The following AGPAT4 variants were observed in gnomAD, a reference collection of about 807,000 sequenced individuals.
AGPAT4 encodes the protein 1-acylglycerol-3-phosphate O-acyltransferase 4, also known as 1-acyl-sn-glycerol-3-phosphate acyltransferase delta.
In AGPAT4, 15 loss-of-function variants were observed where a neutral mutation model predicts 48.0. The ratio of observed to expected loss-of-function variants is 0.31; its 90% CI spans 0.21 to 0.48. The LOEUF (loss-of-function observed/expected upper bound fraction) is 0.48, where lower values mean the gene tolerates loss of function less well. Ranked by LOEUF, AGPAT4 falls within the 20% of genes least tolerant of loss-of-function variation. AGPAT4 has a pLI of 0.99. For synonymous variants in AGPAT4, 178 were observed against 198.7 expected, an observed-to-expected ratio of 0.90 and a Z score of 0.88; for missense variants, 314 against 482.5, an observed-to-expected ratio of 0.65 and a Z score of 3.27.
rs899679697 is a variant in AGPAT4, at chr6:161,215,014, G to T, written c.178+17022C>A. On this transcript the variant is annotated intron_variant, in intron 2 of 8. Coordinates refer to ENST00000320285, the MANE Select transcript of AGPAT4 (RefSeq NM_020133.3). This position sits in a 1 kb window ranked among gnomAD's most constrained non-coding sequence, Gnocchi z 4.5. ...GTTTCAAAAAATCAGACCATATCCA[G>T]CTTCATACTAACAATTTTTTCTTTG... is the stretch of plus-strand genomic sequence containing the variant. 2.6e-5 allele frequency among the ~76,000 whole-genome samples: 4 copies of T among 151,994 alleles called. No individual in the cohort carries two copies. Among genetic ancestry groups the T allele is most frequent in the Non-Finnish European group, 5.9e-5 (4 of 68,000 alleles).
rs1781765247 is a variant in AGPAT4, at chr6:161,219,866, G to T, written c.178+12170C>A. 8.2e-6 allele frequency among the ~76,000 whole-genome samples: 1 copy of T among 121,420 alleles called. No homozygotes were observed. The highest frequency in any genetic ancestry group is 8.6e-5 in the Admixed American group (1 of 11,642). The allele number at this position is 121,420 out of a possible 152,430, so 79.7% of individuals were successfully genotyped here. On this transcript the variant is annotated intron_variant, in intron 2 of 8. Coordinates refer to ENST00000320285, the MANE Select transcript of AGPAT4 (RefSeq NM_020133.3). The surrounding 1 kb of genome is among the most constrained non-coding windows in gnomAD (Gnocchi z 4.9). ...AGATAGATAGATAGATAGATAGATA[G>T]ATAGATAGGCAGGCAGGCAGGCAGG...
At position 161,165,758 on chromosome 6, in the gene AGPAT4, T is replaced by A; in HGVS notation, c.348+490A>T. ...AACAGAATTTCAGAATAATTCTGAA[T>A]TTTGCAGTTCACTCTCTCACTTATG... On this transcript the variant is annotated intron_variant, in intron 3 of 8. Coordinates refer to ENST00000320285, the MANE Select transcript of AGPAT4 (RefSeq NM_020133.3). The surrounding 1 kb of genome is among the most constrained non-coding windows in gnomAD (Gnocchi z 5.5). 1 of 718,558 alleles carries A rather than the reference T, an allele frequency of 1.4e-6. No homozygotes were observed. The highest frequency in any genetic ancestry group is 2.2e-6 in the Non-Finnish European group (1 of 449,270). The allele number at this position is 718,558 out of a possible 1,614,324, so 44.5% of individuals were successfully genotyped here. A position where few individuals can be genotyped will look rare whatever the true frequency, so the allele number is the denominator to read the frequency against.
At position 161,144,525 on chromosome 6, in the gene AGPAT4, ACT is replaced by A. The variant is rs1008092163; in HGVS notation, c.843+1997_843+1998del. Among the ~76,000 whole-genome samples, 21 of 151,672 alleles carry A rather than the reference ACT, an allele frequency of 1.4e-4. No homozygotes were observed. The highest frequency in any genetic ancestry group is 5.1e-4 in the African/African-American group (21 of 41,314). On this transcript the variant is annotated intron_variant, in intron 7 of 8. Transcript: ENST00000320285. The surrounding 1 kb of genome is among the most constrained non-coding windows in gnomAD (Gnocchi z 6.6). ...TCAGCTTGGTTTACACGATGACCAC[ACT>A]CTGCCTGAATACAGGGGAGGAAGGG...
chr6:161,186,096 G>A (rs1345581465), intron 2 of AGPAT4, among the ~76,000 whole-genome samples: 1 of 152,096 alleles, frequency 6.6e-6, no homozygotes, highest in Admixed American at 6.5e-5. Context: ...CCTACTCTGG[G>A]CTGCAGAGCA....
chr6:161,193,511 C>CT (rs1234863957), intron 2 of AGPAT4, among the ~76,000 whole-genome samples: 1 of 152,272 alleles, frequency 6.6e-6, no homozygotes, highest in Non-Finnish European at 1.5e-5. Context: ...GTGGTCACCA[C>CT]TTTTCAGAGA....
intron 3 of AGPAT4, among the ~76,000 whole-genome samples, chr6:161,163,228 G>A (rs1319614232): frequency 1.3e-5 from 2 of 152,206 alleles, no homozygotes; most frequent in Non-Finnish European, 2.9e-5. Context: ...AAATTTCATT[G>A]ACTTCAATTT....
In AGPAT4 at chr6:161,171,920, A is replaced by AAAAAACC. The variant is rs1252455157; in HGVS notation, c.179-5510_179-5504dup. ...ATCTCAAAAACAAAAAACAAAAAAC[A>AAAAAACC]AAAAACCAAAAGTTTCCAACACATG... On this transcript the variant is annotated intron_variant, in intron 2 of 8. Coordinates refer to ENST00000320285, the MANE Select transcript of AGPAT4 (RefSeq NM_020133.3). This position sits in a 1 kb window ranked among gnomAD's most constrained non-coding sequence, Gnocchi z 4.4. 6.6e-6 allele frequency among the ~76,000 whole-genome samples: 1 copy of AAAAAACC among 151,418 alleles called. No individual in the cohort carries two copies. Among genetic ancestry groups the AAAAAACC allele is most frequent in the African/African-American group, 2.4e-5 (1 of 40,828 alleles).
Position 161,159,846 on chromosome 6 carries a change from T to C in AGPAT4, c.349-5536A>G, listed in dbSNP as rs1562317561. Reference sequence around the variant, plus strand: ...TGTTAGTAGAGACGGGGTTTCACCATGTTGGCTAGTCTGGTCTCGAACTCC... The same window carrying C: ...TGTTAGTAGAGACGGGGTTTCACCACGTTGGCTAGTCTGGTCTCGAACTCC... On this transcript the variant is annotated intron_variant, in intron 3 of 8. Coordinates refer to ENST00000320285, the MANE Select transcript of AGPAT4 (RefSeq NM_020133.3). The surrounding 1 kb of genome is among the most constrained non-coding windows in gnomAD (Gnocchi z 4.1). 6.6e-6 allele frequency among the ~76,000 whole-genome samples: 1 copy of C among 151,944 alleles called. No homozygotes were observed. Among genetic ancestry groups the C allele is most frequent in the South Asian group, 2.1e-4 (1 of 4,822 alleles).
intron 2 of AGPAT4, among the ~76,000 whole-genome samples, chr6:161,228,484 G>C (rs1296096459): frequency 6.6e-6 from 1 of 151,638 alleles, no homozygotes; most frequent in Non-Finnish European, 1.5e-5. Flanking sequence ...AGGGCTGGGG[G>C]TGTGGGGTGG....
rs75457330 is a variant in AGPAT4 at position 161,157,900 on chromosome 6, T to C, written c.349-3590A>G. ...CTCAAGACACCCAATCCTTCTGAGCTTCTGTTTCCCCTCTGTGTGATGAGG... is the reference window on the plus strand; with the variant it reads ...CTCAAGACACCCAATCCTTCTGAGCCTCTGTTTCCCCTCTGTGTGATGAGG... On this transcript the variant is annotated intron_variant, in intron 3 of 8. Coordinates refer to ENST00000320285, the MANE Select transcript of AGPAT4 (RefSeq NM_020133.3). Among the ~76,000 whole-genome samples, 105 of 152,334 alleles carry C rather than the reference T, an allele frequency of 6.9e-4. 3 individuals are homozygous for C. The East Asian group carries it at 0.018, about 26-fold the overall frequency.
intron 1 of AGPAT4, among the ~76,000 whole-genome samples, chr6:161,268,909 C>G (rs1783344836): frequency 6.6e-6 from 1 of 152,162 alleles, no homozygotes; most frequent in Non-Finnish European, 1.5e-5. Context: ...CGTGTTGGGT[C>G]TCTAGAGCCA....
chr6:161,154,084 T>A lies in AGPAT4; in HGVS notation c.510+65A>T, dbSNP rs751396888. ...AGTCACGTGTCCTGTGGAAGTCACA[T>A]GGGGGTCCCACGGTCACAGTCCTGC... On this transcript the variant is annotated intron_variant, in intron 4 of 8. Coordinates refer to ENST00000320285, the MANE Select transcript of AGPAT4 (RefSeq NM_020133.3). This position sits in a 1 kb window ranked among gnomAD's most constrained non-coding sequence, Gnocchi z 7.8. 1 of 1,605,344 alleles carries A rather than the reference T, an allele frequency of 6.2e-7. No individual in the cohort carries two copies. The highest frequency in any genetic ancestry group is 1.3e-5 in the African/African-American group (1 of 74,704).
intron 2 of AGPAT4, among the ~76,000 whole-genome samples, chr6:161,203,508 C>G (rs1057202034): frequency 6.6e-5 from 10 of 151,598 alleles, no homozygotes; most frequent in African/African-American, 9.7e-5. Context: ...CCTGCCCCGG[C>G]CCCCCAAGAA....
Position 161,195,031 on chromosome 6 carries a change from T to C in AGPAT4, c.179-28614A>G, listed in dbSNP as rs1781035374. Among the ~76,000 whole-genome samples the C allele has an allele frequency of 6.6e-6, 1 of 152,188 alleles. No homozygotes were observed. The highest frequency in any genetic ancestry group is 6.5e-5 in the Admixed American group (1 of 15,282). On this transcript the variant is annotated intron_variant, in intron 2 of 8. Coordinates refer to ENST00000320285, the MANE Select transcript of AGPAT4 (RefSeq NM_020133.3). This position sits in a 1 kb window ranked among gnomAD's most constrained non-coding sequence, Gnocchi z 5.0. ...GAAGCTTTGGCCACCACCTTCCAAGTCCTTGCTTAATTTCTCAAATTGTTT... is the reference window on the plus strand; with the variant it reads ...GAAGCTTTGGCCACCACCTTCCAAGCCCTTGCTTAATTTCTCAAATTGTTT...
intron 2 of AGPAT4, among the ~76,000 whole-genome samples, chr6:161,170,804 C>A (rs950370615): frequency 1.3e-5 from 2 of 152,182 alleles, no homozygotes; most frequent in East Asian, 3.8e-4. Flanking sequence ...TACCATCATG[C>A]ATCAAATGCC....
intron 2 of AGPAT4, among the ~76,000 whole-genome samples, chr6:161,179,193 A>G (rs1274641246): frequency 2.0e-5 from 3 of 152,226 alleles, no homozygotes; most frequent in East Asian, 1.9e-4. Context: ...GATGGCAACT[A>G]AAGTTTACTG....
rs1782602459 is a variant in AGPAT4 at position 161,244,704 on chromosome 6, C to A, written c.-89-12402G>T. On this transcript the variant is annotated intron_variant, in intron 1 of 8. Transcript: ENST00000320285. The surrounding 1 kb of genome is among the most constrained non-coding windows in gnomAD (Gnocchi z 4.7). Reference sequence around the variant, plus strand: ...GACATCTCCGATCCAGTAAAGCCGACAAGGGTGCACACATCTCTCCCTTTG... The same window carrying A: ...GACATCTCCGATCCAGTAAAGCCGAAAAGGGTGCACACATCTCTCCCTTTG... Among the ~76,000 whole-genome samples, 1 of 152,194 alleles carries A rather than the reference C, an allele frequency of 6.6e-6. No individual in the cohort carries two copies. Among genetic ancestry groups the A allele is most frequent in the South Asian group, 2.1e-4 (1 of 4,832 alleles).
rs1032855067 is a variant in AGPAT4, at chr6:161,142,526, C to T, written c.844-2906G>A. Among the ~76,000 whole-genome samples the T allele has an allele frequency of 2.6e-5, 4 of 152,120 alleles. No homozygotes were observed. Among genetic ancestry groups the T allele is most frequent in the African/African-American group, 9.7e-5 (4 of 41,408 alleles). On this transcript the variant is annotated intron_variant, in intron 7 of 8. Transcript: ENST00000320285. The surrounding 1 kb of genome is among the most constrained non-coding windows in gnomAD (Gnocchi z 6.4). The stretch of plus-strand genomic sequence containing the variant: ...AGGAGAACGAGATCCTATTGAGAGG[C>T]GGCAGATCCCCGGACGAACGCCCCC...
chr6:161,159,442 T>A lies in AGPAT4; in HGVS notation c.349-5132A>T, dbSNP rs1779858541. On this transcript the variant is annotated intron_variant, in intron 3 of 8. Coordinates refer to ENST00000320285, the MANE Select transcript of AGPAT4 (RefSeq NM_020133.3). The surrounding 1 kb of genome is among the most constrained non-coding windows in gnomAD (Gnocchi z 4.1). The stretch of plus-strand genomic sequence containing the variant: ...GCTTTCAGTTTCTGTGTTCCACTTC[T>A]GCCACTAAACTCTGCCAGTAAGTTG... Among the ~76,000 whole-genome samples, 1 of 152,214 alleles carries A rather than the reference T, an allele frequency of 6.6e-6. No individual in the cohort carries two copies. The highest frequency in any genetic ancestry group is 1.5e-5 in the Non-Finnish European group (1 of 68,040).
Sources: gnomAD v4.1 joint callset for allele counts (sites outside exome capture counted in the v4.1 genomes callset) on GRCh38, gnomAD v4.1.1 for gene constraint, Gnocchi (gnomAD v3.1) non-coding constraint, MANE v1.5 for transcripts, NCBI Gene and HGNC (gene_info 2026-07-23, HGNC 2026-07-21) for gene names.